The following FRMD4B variants were observed in gnomAD, a reference collection of about 807,000 sequenced individuals.
The protein encoded by FRMD4B is FERM domain-containing protein 4B.
In FRMD4B, 74 loss-of-function variants were observed where a neutral mutation model predicts 141.5. The ratio of observed to expected loss-of-function variants is 0.52; its 90% CI spans 0.43 to 0.63. The LOEUF (loss-of-function observed/expected upper bound fraction) is 0.63, where lower values mean the gene tolerates loss of function less well. Among genes scored for constraint, FRMD4B ranks in the 30% least tolerant of loss-of-function variants. The pLI is 0.00. For missense variants in FRMD4B, 1,366 were observed against 1,253.4 expected (o/e 1.09, Z -1.36); for synonymous variants, 506 against 467.9 (o/e 1.08, Z -1.05).
chr3:69,531,106 G>A (rs1056903378), intron 1 of FRMD4B, among the ~76,000 whole-genome samples: 9 of 152,192 alleles, frequency 5.9e-5, no homozygotes, highest in African/African-American at 1.9e-4. Context: ...TGTAAAGTAG[G>A]AGGAATAATA....
intron 1 of FRMD4B, among the ~76,000 whole-genome samples, chr3:69,505,969 G>A (rs1365334172): frequency 6.6e-6 from 1 of 152,152 alleles, no homozygotes; most frequent in Non-Finnish European, 1.5e-5. Context: ...CAGTAGATAA[G>A]AGAGCTGCCT....
In FRMD4B at chr3:69,170,185, C is replaced by T. The variant is rs2092569722; in HGVS notation, c.*1676G>A. 1 of 152,094 alleles carries T rather than the reference C, an allele frequency of 6.6e-6. No homozygotes were observed. The highest frequency in any genetic ancestry group is 1.5e-5 in the Non-Finnish European group (1 of 68,022). 9.4% of individuals were successfully genotyped at this position (152,094 alleles called of 1,614,324 possible). A position where few individuals can be genotyped will look rare whatever the true frequency, so the allele number is the denominator to read the frequency against. On this transcript the variant is annotated 3_prime_UTR_variant, in exon 23 of 23. Transcript: ENST00000398540. ...CTATAAATAAAAATCCGAAGCCTTGCCCAATATGATTACTTGAAGTAGAGC... is the reference window on the plus strand; with the variant it reads ...CTATAAATAAAAATCCGAAGCCTTGTCCAATATGATTACTTGAAGTAGAGC...
intron 7 of FRMD4B, among the ~76,000 whole-genome samples, chr3:69,227,497 A>C (rs1691586347): frequency 1.3e-5 from 2 of 152,072 alleles, no homozygotes; most frequent in Non-Finnish European, 2.9e-5. Context: ...CCCCGTCTCT[A>C]CTAAAAATAC....
At chr3:69,412,285 T>C (rs1704773147) in intron 2 of FRMD4B, among the ~76,000 whole-genome samples, 1 of 152,156 alleles carries the variant, frequency 6.6e-6, no homozygotes, top group Non-Finnish European at 1.5e-5. Context: ...TGAATTAGAA[T>C]AGAAGAAAGA....
intron 1 of FRMD4B, among the ~76,000 whole-genome samples, chr3:69,375,832 A>G (rs1265319479): frequency 6.6e-6 from 1 of 152,198 alleles, no homozygotes; most frequent in Non-Finnish European, 1.5e-5. Flanking sequence ...AACATCTAAT[A>G]AAGTGTGTAA....
upstream of FRMD4B, among the ~76,000 whole-genome samples, chr3:69,387,654 G>C (rs1388431712): frequency 6.6e-6 from 1 of 152,188 alleles, no homozygotes; most frequent in African/African-American, 2.4e-5. Context: ...AAGTAAATCA[G>C]CTTGATTTCA....
chr3:69,341,678 A>T (rs188121557), intron 1 of FRMD4B, among the ~76,000 whole-genome samples: 47 of 152,294 alleles, frequency 3.1e-4, no homozygotes, highest in Admixed American at 2.5e-3. Flanking sequence ...CAATGTCTGT[A>T]GTATTAAGAG....
intron 1 of FRMD4B, among the ~76,000 whole-genome samples, chr3:69,445,325 C>A (rs1045688538): frequency 6.6e-6 from 1 of 152,190 alleles, no homozygotes; most frequent in African/African-American, 2.4e-5. Flanking sequence ...TACTGCTATT[C>A]CAGTCTTCGG....
intron 4 of FRMD4B, among the ~76,000 whole-genome samples, chr3:69,293,317 T>C (rs1700931737): frequency 6.6e-6 from 1 of 151,490 alleles, no homozygotes; most frequent in South Asian, 2.1e-4. Flanking sequence ...GGGAGAGACA[T>C]TAGTTTGAAT....
chr3:69,338,623 G>A (rs568177050), intron 1 of FRMD4B, among the ~76,000 whole-genome samples: 47 of 152,256 alleles, frequency 3.1e-4, no homozygotes, highest in African/African-American at 1.1e-3. Flanking sequence ...GTAAGTGGGA[G>A]CTAAACATTG....
intron 11 of FRMD4B, among the ~76,000 whole-genome samples, chr3:69,201,212 A>T (rs140628385): frequency 2.6e-5 from 4 of 152,316 alleles, no homozygotes; most frequent in Non-Finnish European, 5.9e-5. Flanking sequence ...ATATATGTGC[A>T]TATAATAATA....
chr3:69,224,692 TA>T lies in FRMD4B; in HGVS notation c.582-3del. On this transcript the variant is annotated splice_region_variant and splice_polypyrimidine_tract_variant and intron_variant, in intron 7 of 22. Coordinates refer to ENST00000398540, the MANE Select transcript of FRMD4B (RefSeq NM_015123.3). Reference sequence around the variant, plus strand: ...AAATCTTTCCTGGCATTTTCATCACTAAAAAGAAATGGAATATGGTAATGTC... The same window carrying T: ...AAATCTTTCCTGGCATTTTCATCACTAAAAGAAATGGAATATGGTAATGTC... 1 of 1,462,512 alleles carries T rather than the reference TA, an allele frequency of 6.8e-7. No individual in the cohort carries two copies. Among genetic ancestry groups the T allele is most frequent in the Non-Finnish European group, 9.5e-7 (1 of 1,056,532 alleles). 90.6% of individuals were successfully genotyped at this position (1,462,512 alleles called of 1,614,324 possible).
intron 4 of FRMD4B, among the ~76,000 whole-genome samples, chr3:69,301,476 C>T (rs1036764847): frequency 1.3e-5 from 2 of 151,992 alleles, no homozygotes; most frequent in African/African-American, 4.8e-5. Flanking sequence ...AGGCACACAC[C>T]ACCAAGTTCA....
At chr3:69,348,363 G>C (rs901537269) in intron 1 of FRMD4B, among the ~76,000 whole-genome samples, 5 of 152,228 alleles carry the variant, frequency 3.3e-5, no homozygotes, top group Admixed American at 6.5e-5. Flanking sequence ...ACCAAAAAAA[G>C]TCCAGGACCA....
intron 9 of FRMD4B, among the ~76,000 whole-genome samples, chr3:69,220,314 A>G (rs2093181831): frequency 6.6e-6 from 1 of 152,240 alleles, no homozygotes; most frequent in Non-Finnish European, 1.5e-5. Flanking sequence ...ATCTAAGCAT[A>G]GAAAAGATAC....
intron 7 of FRMD4B, among the ~76,000 whole-genome samples, chr3:69,224,992 C>T (rs2093236540): frequency 1.3e-5 from 2 of 152,164 alleles, no homozygotes. Flanking sequence ...TCCACTTTCT[C>T]TATGTTCCTA....
chr3:69,247,945 G>A (rs2093435543), intron 7 of FRMD4B, among the ~76,000 whole-genome samples: 2 of 151,964 alleles, frequency 1.3e-5, no homozygotes, highest in South Asian at 2.1e-4. Flanking sequence ...CACCGTGCCC[G>A]GCCACCCAGC....
chr3:69,522,315 G>A (rs1354055996), intron 1 of FRMD4B, among the ~76,000 whole-genome samples: 3 of 152,042 alleles, frequency 2.0e-5, no homozygotes, highest in Non-Finnish European at 2.9e-5. Flanking sequence ...AAGCCTGGGG[G>A]TCTTAGAATC....
At chr3:69,279,076 A>G (rs2059371205) in intron 5 of FRMD4B, among the ~76,000 whole-genome samples, 1 of 149,674 alleles carries the variant, frequency 6.7e-6, no homozygotes, top group African/African-American at 2.4e-5. Context: ...GGTAATAAAT[A>G]AACAAATAAA....
Sources: gnomAD v4.1 joint callset for allele counts (sites outside exome capture counted in the v4.1 genomes callset) on GRCh38, gnomAD v4.1.1 for gene constraint, MANE v1.5 for transcripts, NCBI Gene and HGNC (gene_info 2026-07-23, HGNC 2026-07-21) for gene names.